Variants in ARHGAP24 observed in about 807,000 individuals in gnomAD.
ARHGAP24 encodes rho GTPase-activating protein 24.
In ARHGAP24, 50 loss-of-function variants were observed where a neutral mutation model predicts 76.4. That is an observed-to-expected ratio of 0.65 (90% CI 0.52 to 0.83). ARHGAP24 has a LOEUF of 0.83. Among genes scored for constraint, ARHGAP24 ranks in the 40% least tolerant of loss-of-function variants. The pLI is 0.00. For synonymous variants in ARHGAP24, 345 were observed against 323.3 expected, an observed-to-expected ratio of 1.07 and a Z score of -0.72; for missense variants, 930 against 914.2, an observed-to-expected ratio of 1.02 and a Z score of -0.22.
chr4:85,894,071 C>A, intron 3 of ARHGAP24, among the ~76,000 whole-genome samples: 2 of 122,968 alleles, frequency 1.6e-5, no homozygotes, highest in Admixed American at 9.6e-5. Context: ...GCACAATGTG[C>A]ACATGTACCC....
At chr4:85,894,640 G>A (rs1017239969) in intron 3 of ARHGAP24, among the ~76,000 whole-genome samples, 3 of 152,158 alleles carry the variant, frequency 2.0e-5, no homozygotes, top group African/African-American at 2.4e-5. Context: ...AGCAGGATGA[G>A]GATGCAAAGG....
Position 85,611,526 on chromosome 4 carries a change from T to G in ARHGAP24, c.180+40805T>G, listed in dbSNP as rs13123541. ...AAATTGTGTTTAGCACTTTCTTTTTTAAAAAATTTTCAGCTTATGGAAAAG... is the reference window on the plus strand; with the variant it reads ...AAATTGTGTTTAGCACTTTCTTTTTGAAAAAATTTTCAGCTTATGGAAAAG... On this transcript the variant is annotated intron_variant, in intron 2 of 9. Transcript: ENST00000395184. Among the ~76,000 whole-genome samples, 4 of 152,108 alleles carry G rather than the reference T, an allele frequency of 2.6e-5. No homozygotes were observed. In the South Asian group the frequency reaches 8.3e-4, roughly 32 times the overall value.
chr4:85,928,625 A>T (rs1560723828), intron 4 of ARHGAP24, among the ~76,000 whole-genome samples: 1 of 151,246 alleles, frequency 6.6e-6, no homozygotes, highest in Non-Finnish European at 1.5e-5. Context: ...ATCCACCTAA[A>T]TTTTTTTTGT....
intron 2 of ARHGAP24, 130 bp downstream of exon 2, chr4:85,570,851 C>A: frequency 9.4e-7 from 1 of 1,062,744 alleles, no homozygotes; most frequent in Non-Finnish European, 1.4e-6. Context: ...TCATCTTTCA[C>A]CCTTTTACCC....
intron 3 of ARHGAP24, among the ~76,000 whole-genome samples, chr4:85,731,068 T>C (rs146751783): frequency 3.4e-4 from 52 of 151,750 alleles, no homozygotes; most frequent in African/African-American, 1.2e-3. Flanking sequence ...TATATATACA[T>C]ATATGTATAT....
At chr4:85,841,648 T>C (rs960334551) in intron 3 of ARHGAP24, among the ~76,000 whole-genome samples, 8 of 152,222 alleles carry the variant, frequency 5.3e-5, no homozygotes, top group Non-Finnish European at 1.0e-4. Flanking sequence ...AGGTGTCCAA[T>C]ATTCATAAAG....
At chr4:85,591,325 C>T (rs932216390) in intron 2 of ARHGAP24, among the ~76,000 whole-genome samples, 3 of 152,212 alleles carry the variant, frequency 2.0e-5, no homozygotes, top group East Asian at 1.9e-4. Flanking sequence ...GGATTACAGG[C>T]GTGAGCCACC....
At chr4:85,753,132 A>G (rs1302877683) in intron 3 of ARHGAP24, among the ~76,000 whole-genome samples, 2 of 152,244 alleles carry the variant, frequency 1.3e-5, no homozygotes, top group Non-Finnish European at 2.9e-5. Flanking sequence ...GGTGTAAAAG[A>G]AAAGAAAGAA....
intron 1 of ARHGAP24, among the ~76,000 whole-genome samples, chr4:85,546,809 G>T (rs1321699076): frequency 6.6e-6 from 1 of 152,066 alleles, no homozygotes; most frequent in Non-Finnish European, 1.5e-5. Context: ...ACATACTTTT[G>T]CACTTATAGA....
chr4:85,810,756 T>C (rs1294480661), intron 3 of ARHGAP24, among the ~76,000 whole-genome samples: 1 of 152,200 alleles, frequency 6.6e-6, no homozygotes, highest in Non-Finnish European at 1.5e-5. Flanking sequence ...AAAAAAAAGT[T>C]TCTTCAGTGT....
At chr4:85,952,510 G>A (rs1028110056) in intron 5 of ARHGAP24, among the ~76,000 whole-genome samples, 2 of 152,232 alleles carry the variant, frequency 1.3e-5, no homozygotes, top group African/African-American at 4.8e-5. Context: ...TGTCCTGTGT[G>A]AGGGAAAAAC....
chr4:85,754,101 C>T (rs1475532736), intron 3 of ARHGAP24, among the ~76,000 whole-genome samples: 2 of 152,186 alleles, frequency 1.3e-5, no homozygotes, highest in African/African-American at 4.8e-5. Flanking sequence ...CTGGTAACCA[C>T]CCAGCCTCTG....
intron 2 of ARHGAP24, among the ~76,000 whole-genome samples, chr4:85,667,753 G>T (rs1049840999): frequency 6.6e-6 from 1 of 152,072 alleles, no homozygotes; most frequent in African/African-American, 2.4e-5. Context: ...GTATCATAAA[G>T]AATTAAAGGT....
At chr4:85,827,910 C>G in intron 3 of ARHGAP24, 1 of 1,289,718 alleles carries the variant, frequency 7.8e-7, no homozygotes, top group South Asian at 1.2e-5. Context: ...AGCAGCTGCT[C>G]TGTCTCCCAG....
intron 5 of ARHGAP24, among the ~76,000 whole-genome samples, chr4:85,944,351 A>G (rs776795462): frequency 1.5e-4 from 23 of 152,172 alleles, no homozygotes; most frequent in African/African-American, 5.6e-4. Flanking sequence ...CTTGAAAATT[A>G]AAAATAGCCT....
At chr4:85,860,892 G>A (rs1731852619) in intron 3 of ARHGAP24, among the ~76,000 whole-genome samples, 1 of 151,852 alleles carries the variant, frequency 6.6e-6, no homozygotes, top group Admixed American at 6.6e-5. Context: ...AATGCATTAT[G>A]TTTAATACTG....
chr4:85,681,877 G>T (rs1723215851), intron 2 of ARHGAP24, among the ~76,000 whole-genome samples: 1 of 152,146 alleles, frequency 6.6e-6, no homozygotes, highest in African/African-American at 2.4e-5. Context: ...AGGCTAAAAT[G>T]TATTGACCAC....
At chr4:85,570,329 C>G (rs1198350770) in intron 1 of ARHGAP24, among the ~76,000 whole-genome samples, 193 bp from the exon 2 acceptor site, 7 of 151,898 alleles carry the variant, frequency 4.6e-5, no homozygotes, top group Admixed American at 2.6e-4. Context: ...CTTTCTCTCT[C>G]TCTCTTTCTT....
At chr4:85,761,015 C>T (rs759376547) in intron 3 of ARHGAP24, among the ~76,000 whole-genome samples, 2 of 152,078 alleles carry the variant, frequency 1.3e-5, no homozygotes, top group Non-Finnish European at 2.9e-5. Context: ...ATATGGAAAA[C>T]AGTAATGAGA....
Sources: allele counts gnomAD v4.1 joint callset (sites outside exome capture counted in the v4.1 genomes callset), GRCh38; gene constraint gnomAD v4.1.1; transcripts MANE v1.5; gene names NCBI Gene and HGNC (gene_info 2026-07-23, HGNC 2026-07-21).